The following PGF variants were observed in gnomAD, a reference collection of about 807,000 sequenced individuals.
PGF encodes the protein placental growth factor.
A neutral mutation model predicts 25.3 loss-of-function variants in PGF; 11 were observed. The ratio of observed to expected loss-of-function variants is 0.43; its 90% CI spans 0.27 to 0.72. The LOEUF is 0.72. Among genes scored for constraint, PGF ranks in the 30% least tolerant of loss-of-function variants. The pLI is 0.18. For synonymous variants in PGF, 105 were observed against 97.9 expected (o/e 1.07, Z -0.43); for missense variants, 230 against 234.9 (o/e 0.98, Z 0.14).
chr14:74,944,136 G>C (rs1594983576), intron 6 of PGF, among the ~76,000 whole-genome samples: 1 of 118,264 alleles, frequency 8.5e-6, no homozygotes, highest in Non-Finnish European at 1.6e-5. Flanking sequence ...ACGGAGTCTT[G>C]CTCTGTCCCA....
intron 4 of PGF, chr14:74,946,769 A>G (rs780963212): frequency 2.7e-4 from 191 of 711,980 alleles, no homozygotes; most frequent in Non-Finnish European, 4.1e-4. Flanking sequence ...TCCAGGGTGC[A>G]TTCTGGGAAT....
rs1594987594 is a variant in PGF at position 74,949,400 on chromosome 14, T to C, written c.272A>G (p.Asn91Ser). 2.5e-6 allele frequency: 4 copies of C among 1,603,846 alleles called. No homozygotes were observed. In the East Asian group the frequency reaches 9.0e-5, roughly 36 times the overall value. ...CGTCTCCACCGGCACACAGTGCAGATTCTCATCGCCGCAGCAGCCGGTGCA... is the reference window on the plus strand; with the variant it reads ...CGTCTCCACCGGCACACAGTGCAGACTCTCATCGCCGCAGCAGCCGGTGCA... ...LRCTGCCGDE[N>S]LHCVPVETAN... The change falls in exon 3 of 7, where the codon AAT (asparagine) becomes AGT (serine). Residue 91 changes from asparagine (N) to serine (S), a missense_variant. By Grantham distance (46) the Asn-to-Ser change is conservative. Coordinates refer to ENST00000555567, the MANE Select transcript of PGF (RefSeq NM_002632.6).
At chr14:74,944,142 T>TG (rs1566855588) in intron 6 of PGF, among the ~76,000 whole-genome samples, 96 of 150,224 alleles carry the variant, frequency 6.4e-4, no homozygotes, top group African/African-American at 2.2e-3. Context: ...TCTTGCTCTG[T>TG]CCCAGGCTGG....
At chr14:74,946,088 C>T in intron 6 of PGF, 125 bp downstream of exon 6, 1 of 787,084 alleles carries the variant, frequency 1.3e-6, no homozygotes. Flanking sequence ...AGGTGCAGCT[C>T]CCTGTTCTGC....
Position 74,955,400 on chromosome 14 carries a change from A to T in PGF, c.-158T>A, listed in dbSNP as rs2140411964. 2.4e-6 allele frequency: 1 copy of T among 423,720 alleles called. No individual in the cohort carries two copies. Among genetic ancestry groups the T allele is most frequent in the African/African-American group, 2.0e-5 (1 of 48,906 alleles). The allele number at this position is 423,720 out of a possible 1,614,324, so 26.2% of individuals were successfully genotyped here. A position where few individuals can be genotyped will look rare whatever the true frequency, so the allele number is the denominator to read the frequency against. On this transcript the variant is annotated 5_prime_UTR_variant, in exon 1 of 7. Coordinates refer to ENST00000555567, the MANE Select transcript of PGF (RefSeq NM_002632.6). The surrounding 1 kb of genome is among the most constrained non-coding windows in gnomAD (Gnocchi z 4.1). ...GGCCGGTGGTTCGAGCATCTTCTGG[A>T]AGCCTTGCGGAGTCAGGAGCCCGTA...
chr14:74,952,987 G>C (rs1197142338), intron 2 of PGF, among the ~76,000 whole-genome samples: 2 of 152,194 alleles, frequency 1.3e-5, no homozygotes, highest in African/African-American at 2.4e-5. Flanking sequence ...CAAATCCCAA[G>C]GAGCATAATG....
intron 6 of PGF, among the ~76,000 whole-genome samples, chr14:74,944,249 C>A (rs1277173284): frequency 6.6e-6 from 1 of 151,670 alleles, no homozygotes; most frequent in African/African-American, 2.4e-5. Flanking sequence ...ACTATAGGCA[C>A]CCACCACCAC....
chr14:74,955,472 C>T lies in PGF; in HGVS notation c.-230G>A, dbSNP rs11542848. ...CCCGACGGGGAGCGGCCCGGCGGGG[C>T]GGGGCGCCGAGGGGCAGGCGGGTCC... On this transcript the variant is annotated 5_prime_UTR_variant, in exon 1 of 7. Transcript: ENST00000555567. The surrounding 1 kb of genome is among the most constrained non-coding windows in gnomAD (Gnocchi z 4.1). 4,144 of 388,668 alleles carry T rather than the reference C, an allele frequency of 0.011. 172 individuals carry two copies. The highest frequency in any genetic ancestry group is 0.079 in the African/African-American group (3,821 of 48,376). The allele number at this position is 388,668 out of a possible 1,614,324, so 24.1% of individuals were successfully genotyped here.
intron 1 of PGF, among the ~76,000 whole-genome samples, chr14:74,954,447 G>A (rs564539232): frequency 1.3e-5 from 2 of 152,242 alleles, no homozygotes; most frequent in South Asian, 4.1e-4. Context: ...GGACTCCTCA[G>A]GGACTGCCCA....
In PGF at chr14:74,946,255, C is replaced by T. The variant is rs201773217; in HGVS notation, c.443G>A (p.Gly148Glu). 188 of 1,614,096 alleles carry T rather than the reference C, an allele frequency of 1.2e-4. 2 individuals are homozygous for T. Among genetic ancestry groups the T allele is most frequent in the Non-Finnish European group, 2.6e-5 (31 of 1,180,024 alleles). The change falls in exon 6 of 7, where the codon GGG becomes GAG. Residue 148 changes from glycine (G) to glutamate (E), a missense_variant. Physicochemically the swap from Gly to Glu is moderately conservative, Grantham distance 98. Transcript: ENST00000555567. ...KPERRRPKGR[G>E]KRRREKQRPT... ...TCTCTGCTTCTCTCTCCTCCTCTTC[C>T]CCCTGCCCTTGGGTCTCCTCCTGCA...
At chr14:74,951,433 C>T (rs1888869458) in intron 2 of PGF, among the ~76,000 whole-genome samples, 1 of 152,236 alleles carries the variant, frequency 6.6e-6, no homozygotes, top group African/African-American at 2.4e-5. Context: ...ATGAGCACTA[C>T]GTGACTCTGA....
At chr14:74,944,143 C>CG (rs1888664320) in intron 6 of PGF, among the ~76,000 whole-genome samples, 2 of 132,286 alleles carry the variant, frequency 1.5e-5, no homozygotes, top group South Asian at 2.3e-4. Flanking sequence ...CTTGCTCTGT[C>CG]CCAGGCTGGA....
chr14:74,952,963 G>T (rs1262792534), intron 2 of PGF, among the ~76,000 whole-genome samples: 3 of 152,240 alleles, frequency 2.0e-5, no homozygotes, highest in African/African-American at 7.2e-5. Context: ...GGAGGTAGGG[G>T]ATGGGTCCTT....
chr14:74,947,903 T>G (rs1327024911), intron 4 of PGF: 1 of 152,342 alleles, frequency 6.6e-6, no homozygotes, highest in Non-Finnish European at 1.5e-5. Flanking sequence ...GGCCTGTTGC[T>G]CCTGCTAACC....
intron 6 of PGF, among the ~76,000 whole-genome samples, chr14:74,944,103 A>G (rs1366225683): frequency 7.3e-6 from 1 of 136,142 alleles, no homozygotes; most frequent in Non-Finnish European, 1.6e-5. Flanking sequence ...TTTGCTTGTT[A>G]ATTTTCTTTT....
chr14:74,946,600 G>A, intron 4 of PGF, 192 bp from the exon 5 acceptor site: 1 of 634,370 alleles, frequency 1.6e-6, no homozygotes, highest in East Asian at 2.7e-5. Context: ...CCCACTCCAG[G>A]CTCTGGTGAC....
At chr14:74,946,767 G>A (rs1888747876) in intron 4 of PGF, 3 of 710,944 alleles carry the variant, frequency 4.2e-6, no homozygotes, top group Admixed American at 2.0e-5. Flanking sequence ...CTTCCAGGGT[G>A]CATTCTGGGA....
At chr14:74,946,618 C>T (rs149697301) in intron 4 of PGF, 24 of 634,860 alleles carry the variant, frequency 3.8e-5, no homozygotes, top group African/African-American at 2.0e-4. Flanking sequence ...GACCCCACCA[C>T]GAGAGGGACA....
chr14:74,942,519 T>C lies in PGF; in HGVS notation c.*187A>G. ...GGCTGGCTTCTCTCTTTCTCTCACG[T>C]TGTTGAAGGCACTGAATTCCTGAGG... On this transcript the variant is annotated 3_prime_UTR_variant, in exon 7 of 7. Coordinates refer to ENST00000555567, the MANE Select transcript of PGF (RefSeq NM_002632.6). 1.6e-6 allele frequency: 1 copy of C among 629,280 alleles called. No individual in the cohort carries two copies. The highest frequency in any genetic ancestry group is 2.8e-6 in the Non-Finnish European group (1 of 353,834). 39.0% of individuals were successfully genotyped at this position (629,280 alleles called of 1,614,324 possible).
Sources: allele counts gnomAD v4.1 joint callset (sites outside exome capture counted in the v4.1 genomes callset), GRCh38; gene constraint gnomAD v4.1.1; non-coding constraint Gnocchi (gnomAD v3.1); transcripts MANE v1.5; gene names NCBI Gene and HGNC (gene_info 2026-07-23, HGNC 2026-07-21).